The following GNAT3 variants were observed in gnomAD, a reference collection of about 807,000 sequenced individuals.
GNAT3 encodes G protein subunit alpha transducin 3, also known as guanine nucleotide-binding protein G(t) subunit alpha-3.
In GNAT3, 31 loss-of-function variants were observed where a neutral mutation model predicts 37.7. The ratio of observed to expected loss-of-function variants is 0.82; its 90% CI spans 0.62 to 1.11. The LOEUF is 1.11. GNAT3 is among the 50% of genes most tolerant of loss of function. The pLI is 0.00. For synonymous variants in GNAT3, 138 were observed against 139.8 expected (o/e 0.99, Z 0.09); for missense variants, 437 against 412.5 (o/e 1.06, Z -0.51).
At chr7:80,475,689 A>C (rs1790291194) in intron 4 of GNAT3, among the ~76,000 whole-genome samples, 1 of 152,144 alleles carries the variant, frequency 6.6e-6, no homozygotes, top group Non-Finnish European at 1.5e-5. Flanking sequence ...CAAAGATTGA[A>C]AAAACAAAAT....
At chr7:80,471,933 G>A (rs965707032) in intron 5 of GNAT3, among the ~76,000 whole-genome samples, 1 of 151,968 alleles carries the variant, frequency 6.6e-6, no homozygotes, top group Non-Finnish European at 1.5e-5. Context: ...TGTATGTAGA[G>A]TGTTTGGCAT....
intron 3 of GNAT3, among the ~76,000 whole-genome samples, chr7:80,482,165 G>A (rs1790401861): frequency 6.6e-6 from 1 of 152,064 alleles, no homozygotes; most frequent in Non-Finnish European, 1.5e-5. Context: ...GTCAACAAAT[G>A]GCCATATCAA....
At chr7:80,479,479 G>A (rs1226198858) in intron 3 of GNAT3, among the ~76,000 whole-genome samples, 2 of 151,850 alleles carry the variant, frequency 1.3e-5, no homozygotes, top group African/African-American at 4.8e-5. Context: ...CAGCACTTAG[G>A]GAGGCCGAGG....
chr7:80,478,702 A>T (rs763830170), intron 4 of GNAT3, 139 bp downstream of exon 4: 1 of 803,376 alleles, frequency 1.2e-6, no homozygotes, highest in Admixed American at 3.0e-5. Flanking sequence ...TTTCTCTTTA[A>T]TTGCTTTTTA....
chr7:80,474,424 T>C, intron 4 of GNAT3, 45 bp from the exon 5 acceptor site: 1 of 857,158 alleles, frequency 1.2e-6, no homozygotes, highest in Non-Finnish European at 1.8e-6. Flanking sequence ...ATATAATACA[T>C]AAATACATAC....
At chr7:80,467,466 C>T (rs1234241306) in intron 5 of GNAT3, among the ~76,000 whole-genome samples, 1 of 152,018 alleles carries the variant, frequency 6.6e-6, no homozygotes, top group Non-Finnish European at 1.5e-5. Flanking sequence ...TATTGATTCT[C>T]TTGGACACTA....
chr7:80,488,314 G>T (rs906242691), intron 3 of GNAT3, among the ~76,000 whole-genome samples: 9 of 151,628 alleles, frequency 5.9e-5, no homozygotes, highest in Non-Finnish European at 1.3e-4. Context: ...TTAATCCTCA[G>T]GAAAACAACT....
intron 5 of GNAT3, among the ~76,000 whole-genome samples, chr7:80,471,681 C>A (rs560577461): frequency 4.6e-5 from 7 of 152,162 alleles, no homozygotes; most frequent in African/African-American, 1.7e-4. Context: ...TGGTTTTCAC[C>A]CAATTTATCT....
At chr7:80,463,082 T>G (rs147407407) in intron 5 of GNAT3, among the ~76,000 whole-genome samples, 39 of 152,298 alleles carry the variant, frequency 2.6e-4, no homozygotes, top group African/African-American at 9.4e-4. Context: ...TTGCATTCTA[T>G]GTACTAGACA....
At chr7:80,468,009 A>G (rs1296769427) in intron 5 of GNAT3, among the ~76,000 whole-genome samples, 1 of 151,936 alleles carries the variant, frequency 6.6e-6, no homozygotes, top group Non-Finnish European at 1.5e-5. Context: ...TGGACTTCTT[A>G]AAGTTAAAAA....
intron 3 of GNAT3, among the ~76,000 whole-genome samples, chr7:80,480,204 T>A (rs948077768): frequency 6.6e-6 from 1 of 152,172 alleles, no homozygotes; most frequent in Non-Finnish European, 1.5e-5. Flanking sequence ...AAAACTGATA[T>A]CTTTTTTAGC....
At chr7:80,467,573 A>T (rs1391092822) in intron 5 of GNAT3, among the ~76,000 whole-genome samples, 2 of 152,112 alleles carry the variant, frequency 1.3e-5, no homozygotes, top group Non-Finnish European at 2.9e-5. Context: ...ATTTTAATTT[A>T]GTCCTTATTT....
At chr7:80,503,668 G>A (rs1790878098) in intron 1 of GNAT3, among the ~76,000 whole-genome samples, 1 of 152,104 alleles carries the variant, frequency 6.6e-6, no homozygotes, top group African/African-American at 2.4e-5. Context: ...GGATATAATG[G>A]GAAAGGACAT....
intron 5 of GNAT3, among the ~76,000 whole-genome samples, chr7:80,472,332 G>A (rs73386756): frequency 0.023 from 3,491 of 152,110 alleles, 129 homozygotes; most frequent in African/African-American, 0.08. Context: ...GCCCTCCATC[G>A]CCTTACTGCC....
At position 80,497,629 on chromosome 7, in the gene GNAT3, C is replaced by T. The variant is rs975703139; in HGVS notation, c.119-2982G>A. 5.2e-4 allele frequency among the ~76,000 whole-genome samples: 60 copies of T among 116,140 alleles called. 1 individual carries two copies. The highest frequency in any genetic ancestry group is 2.5e-3 in the African/African-American group (57 of 22,412). The allele number at this position is 116,140 out of a possible 152,430, so 76.2% of individuals were successfully genotyped here. On this transcript the variant is annotated intron_variant, in intron 1 of 7. Coordinates refer to ENST00000398291, the MANE Select transcript of GNAT3 (RefSeq NM_001102386.3). ...ATACGTATATACATATACGTATATACATATACGTATATACATATACGTATA... is the reference window on the plus strand; with the variant it reads ...ATACGTATATACATATACGTATATATATATACGTATATACATATACGTATA...
intron 1 of GNAT3, among the ~76,000 whole-genome samples, chr7:80,510,315 C>T (rs144218885): frequency 3.0e-4 from 45 of 151,992 alleles, no homozygotes; most frequent in African/African-American, 1.1e-3. Context: ...TTTTGGCTTT[C>T]CATTTGTATT....
rs1318254443 is a variant in GNAT3, at chr7:80,497,609, TATATAC to T, written c.119-2968_119-2963del. ...ATACATATACGTATATACATATACG[TATATAC>T]ATATACGTATATACATATACGTATA... On this transcript the variant is annotated intron_variant, in intron 1 of 7. Transcript: ENST00000398291. Among the ~76,000 whole-genome samples the T allele has an allele frequency of 7.6e-4, 89 of 116,352 alleles. 2 individuals are homozygous for T. The highest frequency in any genetic ancestry group is 3.8e-3 in the African/African-American group (86 of 22,648). 76.3% of individuals were successfully genotyped at this position (116,352 alleles called of 152,430 possible).
intron 4 of GNAT3, among the ~76,000 whole-genome samples, chr7:80,474,631 G>A (rs1790275827): frequency 1.3e-5 from 2 of 152,144 alleles, no homozygotes. Flanking sequence ...GAATGTTGCA[G>A]AATGCAGAGT....
intron 1 of GNAT3, among the ~76,000 whole-genome samples, chr7:80,499,670 A>G (rs1220717317): frequency 1.3e-5 from 2 of 152,156 alleles, no homozygotes; most frequent in Non-Finnish European, 2.9e-5. Context: ...ATTTTGTTCC[A>G]TGTATTATTT....
Sources: gnomAD v4.1 joint callset for allele counts (sites outside exome capture counted in the v4.1 genomes callset) on GRCh38, gnomAD v4.1.1 for gene constraint, MANE v1.5 for transcripts, NCBI Gene and HGNC (gene_info 2026-07-23, HGNC 2026-07-21) for gene names.